SLC47A1: variants seen among roughly 807,000 people sequenced by gnomAD.
SLC47A1 encodes solute carrier family 47 member 1, also known as multidrug and toxin extrusion protein 1.
In SLC47A1, 58 loss-of-function variants were observed where a neutral mutation model predicts 65.8. That is an observed-to-expected ratio of 0.88 (90% confidence interval 0.71 to 1.10). SLC47A1 has a LOEUF of 1.10. SLC47A1 is among the 50% of genes least tolerant of loss of function. The pLI is 0.00. For missense variants in SLC47A1, 706 were observed against 719.2 expected (o/e 0.98, Z 0.21); for synonymous variants, 285 against 295.0 (o/e 0.97, Z 0.35).
chr17:19,556,504 G>T (rs1916616120), intron 10 of SLC47A1, among the ~76,000 whole-genome samples: 2 of 151,960 alleles, frequency 1.3e-5, no homozygotes, highest in African/African-American at 4.8e-5. Context: ...TGAAAACACA[G>T]TGTGGCTACT....
intron 15 of SLC47A1, 46 bp from the exon 16 acceptor site, chr17:19,572,734 T>C (rs1228059816): frequency 6.4e-7 from 1 of 1,571,508 alleles, no homozygotes; most frequent in Non-Finnish European, 8.8e-7. Context: ...TAAAATACCA[T>C]ATTAACACTA....
At chr17:19,545,365 T>C (rs1697869199) in intron 2 of SLC47A1, among the ~76,000 whole-genome samples, 1 of 152,124 alleles carries the variant, frequency 6.6e-6, no homozygotes, top group South Asian at 2.1e-4. Flanking sequence ...GGGCTAATTT[T>C]TGTATTTTAG....
chr17:19,556,075 G>A lies in SLC47A1; in HGVS notation c.921+13G>A, dbSNP rs780322894. 23 of 1,613,264 alleles carry A rather than the reference G, an allele frequency of 1.4e-5. No homozygotes were observed. The highest frequency in any genetic ancestry group is 1.9e-5 in the Non-Finnish European group (22 of 1,179,996). ...CATTGTGTACATGGTAAGCAGGGGA[G>A]CCGATCATGGGGAGGTGCCAGGCGT... On this transcript the variant is annotated intron_variant, in intron 10 of 16. Coordinates refer to ENST00000270570, the MANE Select transcript of SLC47A1 (RefSeq NM_018242.3).
chr17:19,577,958 C>A lies in SLC47A1; in HGVS notation c.*405C>A. 1 of 1,280,506 alleles carries A rather than the reference C, an allele frequency of 7.8e-7. No individual in the cohort carries two copies. The highest frequency in any genetic ancestry group is 2.4e-5 in the Admixed American group (1 of 41,862). 79.3% of individuals were successfully genotyped at this position (1,280,506 alleles called of 1,614,324 possible). Reference sequence around the variant, plus strand: ...TCCTTGGGCCTTAGATTACTATTCACTGGGCAAATGGTATTTGTTTTTGTT... The same window carrying A: ...TCCTTGGGCCTTAGATTACTATTCAATGGGCAAATGGTATTTGTTTTTGTT... On this transcript the variant is annotated 3_prime_UTR_variant, in exon 17 of 17. Coordinates refer to ENST00000270570, the MANE Select transcript of SLC47A1 (RefSeq NM_018242.3).
At chr17:19,572,662 A>G in intron 15 of SLC47A1, 118 bp from the exon 16 acceptor site, 3 of 853,726 alleles carry the variant, frequency 3.5e-6, no homozygotes, top group Non-Finnish European at 5.9e-6. Flanking sequence ...AATGAGAGGA[A>G]CTTCAGCTAT....
intron 1 of SLC47A1, among the ~76,000 whole-genome samples, chr17:19,535,879 T>A (rs1211365087): frequency 6.6e-6 from 1 of 152,234 alleles, no homozygotes; most frequent in Admixed American, 6.5e-5. Flanking sequence ...TATTCATTTG[T>A]AAAATGGAGA....
In SLC47A1 at chr17:19,577,520, G is replaced by T; in HGVS notation, c.1680G>T (p.Gly560=). 6.2e-7 allele frequency: 1 copy of T among 1,614,156 alleles called. No homozygotes were observed. Among genetic ancestry groups the T allele is most frequent in the African/African-American group, 1.3e-5 (1 of 75,052 alleles). ...LLGVFLILLV[G]ILVRFYVRIQ The stretch of plus-strand genomic sequence containing the variant: ...GGGTCTTCTTAATCTTGCTGGTGGG[G>T]ATTTTAGTGAGATTCTATGTCAGAA... Residue 560 remains glycine, a synonymous_variant, in exon 17 of 17, where the codon GGG becomes GGT. Coordinates refer to ENST00000270570, the MANE Select transcript of SLC47A1 (RefSeq NM_018242.3).
intron 12 of SLC47A1, among the ~76,000 whole-genome samples, chr17:19,563,163 C>T (rs189340693): frequency 1.5e-5 from 2 of 134,006 alleles, no homozygotes; most frequent in African/African-American, 5.6e-5. Context: ...GACGGAGCCT[C>T]CCTCTGTCGC....
intron 14 of SLC47A1, chr17:19,571,168 C>A: frequency 4.8e-6 from 1 of 206,222 alleles, no homozygotes; most frequent in Non-Finnish European, 9.5e-6. Flanking sequence ...TGGCATTTTT[C>A]TTAATATTCA....
chr17:19,562,362 A>C (rs2084318197), intron 12 of SLC47A1, among the ~76,000 whole-genome samples: 1 of 152,124 alleles, frequency 6.6e-6, no homozygotes, highest in South Asian at 2.1e-4. Flanking sequence ...TAGGAGTTCA[A>C]GACCAGCTGG....
intron 1 of SLC47A1, among the ~76,000 whole-genome samples, chr17:19,538,391 C>G (rs1916051026): frequency 6.6e-6 from 1 of 152,184 alleles, no homozygotes; most frequent in Admixed American, 6.5e-5. Flanking sequence ...ACTGCCCTGA[C>G]AGGCACTGCA....
Position 19,551,412 on chromosome 17 carries a change from G to A in SLC47A1, c.499-12G>A, listed in dbSNP as rs2247437. The A allele has an allele frequency of 6.4e-7, 1 of 1,572,116 alleles. No homozygotes were observed. The highest frequency in any genetic ancestry group is 8.8e-7 in the Non-Finnish European group (1 of 1,141,906). On this transcript the variant is annotated splice_polypyrimidine_tract_variant and intron_variant, in intron 5 of 16. Transcript: ENST00000270570. The stretch of plus-strand genomic sequence containing the variant: ...TGAAACATTAACATTCATCTCTCTT[G>A]TTCTCTTGTAGGCAACCTTTCTTTA...
intron 6 of SLC47A1, 98 bp from the exon 7 acceptor site, chr17:19,555,114 C>T (rs1039916354): frequency 6.0e-5 from 66 of 1,105,240 alleles, no homozygotes; most frequent in Middle Eastern, 4.9e-4. Context: ...CTGTGATACC[C>T]GCTGAGCAGG....
chr17:19,560,132 C>T (rs1371047624), intron 10 of SLC47A1, 56 bp from the exon 11 acceptor site: 14 of 1,309,978 alleles, frequency 1.1e-5, no homozygotes, highest in South Asian at 1.0e-4. Flanking sequence ...CTTCTCTGCA[C>T]GTGTTCTCGC....
In SLC47A1 at chr17:19,575,967, G is replaced by T. The variant is rs145515562; in HGVS notation, c.1487-1360G>T. 1.8e-3 allele frequency among the ~76,000 whole-genome samples: 276 copies of T among 152,248 alleles called. 1 individual carries two copies. Among genetic ancestry groups the T allele is most frequent in the African/African-American group, 6.5e-3 (269 of 41,558 alleles). ...TTTCAGAGGGGAGAGAGGAGATAGG[G>T]CATTTGGTGCTTCTGTTGAGGGATA... is the stretch of plus-strand genomic sequence containing the variant. On this transcript the variant is annotated intron_variant, in intron 16 of 16. Coordinates refer to ENST00000270570, the MANE Select transcript of SLC47A1 (RefSeq NM_018242.3).
intron 5 of SLC47A1, among the ~76,000 whole-genome samples, 180 bp downstream of exon 5, chr17:19,549,857 AG>A (rs1220643318): frequency 6.6e-6 from 1 of 152,166 alleles, no homozygotes. Context: ...GTTCATCTCA[AG>A]GAACACCAAG....
Position 19,566,862 on chromosome 17 carries a change from A to G in SLC47A1, c.1176+3A>G, listed in dbSNP as rs758454691. ...CCCACCTCTTTGAAGCTCTTGCTGT[A>G]AGTATTATGTAGTAGTCCCCTAAGC... is the stretch of plus-strand genomic sequence containing the variant. On this transcript the variant is annotated splice_donor_region_variant and intron_variant, in intron 13 of 16. Transcript: ENST00000270570. 1 of 1,614,066 alleles carries G rather than the reference A, an allele frequency of 6.2e-7. No homozygotes were observed. The highest frequency in any genetic ancestry group is 8.5e-7 in the Non-Finnish European group (1 of 1,179,966).
rs141401007 is a variant in SLC47A1 at position 19,562,759 on chromosome 17, G to T, written c.1106+2266G>T. On this transcript the variant is annotated intron_variant, in intron 12 of 16. Transcript: ENST00000270570. ...TGGGAAACCATACAGCCCAGGAAAAGAATGAAAAACAAGAGGCCCACAAAC... is the reference window on the plus strand; with the variant it reads ...TGGGAAACCATACAGCCCAGGAAAATAATGAAAAACAAGAGGCCCACAAAC... Among the ~76,000 whole-genome samples, 31 of 152,124 alleles carry T rather than the reference G, an allele frequency of 2.0e-4. No individual in the cohort carries two copies. In the East Asian group the frequency reaches 5.8e-3, roughly 28 times the overall value.
chr17:19,563,485 T>G (rs931542341), intron 12 of SLC47A1, among the ~76,000 whole-genome samples: 4 of 152,014 alleles, frequency 2.6e-5, no homozygotes, highest in African/African-American at 9.7e-5. Flanking sequence ...TTCCAAAGGA[T>G]AATTTTATAA....
Sources: allele counts gnomAD v4.1 joint callset (sites outside exome capture counted in the v4.1 genomes callset), GRCh38; gene constraint gnomAD v4.1.1; transcripts MANE v1.5; gene names NCBI Gene and HGNC (gene_info 2026-07-23, HGNC 2026-07-21).